Variants in CCDC124 observed in about 807,000 individuals in gnomAD.
CCDC124 encodes coiled-coil domain-containing protein 124.
CCDC124 carries 9 observed loss-of-function variants against 19.8 expected under a neutral mutation model. The observed-to-expected ratio is 0.45, with a 90% CI of 0.27 to 0.79. The LOEUF is 0.79. CCDC124 is among the 30% of genes least tolerant of loss of function. CCDC124 has a pLI of 0.14. For synonymous variants in CCDC124, 126 were observed against 131.3 expected (o/e 0.96, Z 0.27); for missense variants, 285 against 319.0 (o/e 0.89, Z 0.81).
At position 17,942,383 on chromosome 19, in the gene CCDC124, C is replaced by T. The variant is rs979106694; in HGVS notation, c.160-273C>T. Among the ~76,000 whole-genome samples, 2 of 152,176 alleles carry T rather than the reference C, an allele frequency of 1.3e-5. No individual in the cohort carries two copies. The highest frequency in any genetic ancestry group is 2.4e-5 in the African/African-American group (1 of 41,428). ...TGGTAGCCCTGCTGCTAAGGACGCT[C>T]CTGTTCCCCAGCTCTCCCCCTTGGC... On this transcript the variant is annotated intron_variant, in intron 2 of 4. Coordinates refer to ENST00000445755, the MANE Select transcript of CCDC124 (RefSeq NM_001136203.2). The surrounding 1 kb of genome is among the most constrained non-coding windows in gnomAD (Gnocchi z 4.2).
chr19:17,936,737 T>A, intron 2 of CCDC124, 158 bp downstream of exon 2: 1 of 876,306 alleles, frequency 1.1e-6, no homozygotes, highest in Non-Finnish European at 1.7e-6. Flanking sequence ...TCCCAGTACT[T>A]TGGGAGGCCG....
chr19:17,939,402 TAATAA>T (rs921139598), intron 2 of CCDC124, among the ~76,000 whole-genome samples: 4 of 151,684 alleles, frequency 2.6e-5, no homozygotes, highest in Non-Finnish European at 5.9e-5. Flanking sequence ...CTCAAAAAAA[TAATAA>T]AATAAAACAA....
intron 2 of CCDC124, among the ~76,000 whole-genome samples, chr19:17,941,049 AAAAAC>A (rs1439932726): frequency 2.0e-5 from 3 of 151,982 alleles, no homozygotes; most frequent in African/African-American, 7.2e-5. Flanking sequence ...TCCGTCTCGA[AAAAAC>A]AAACGAACGA....
In CCDC124 at chr19:17,934,061, C is replaced by A. The variant is rs978523600; in HGVS notation, c.-12+1013C>A. On this transcript the variant is annotated intron_variant, in intron 1 of 4. Coordinates refer to ENST00000445755, the MANE Select transcript of CCDC124 (RefSeq NM_001136203.2). ...AGAAATTGCCAGGCACTGTGGCTCA[C>A]ACCTGTAATCCAGGCACTTTGAGAG... Among the ~76,000 whole-genome samples, 5 of 149,050 alleles carry A rather than the reference C, an allele frequency of 3.4e-5. 1 individual carries two copies. The highest frequency in any genetic ancestry group is 1.3e-4 in the African/African-American group (5 of 38,446).
Position 17,942,551 on chromosome 19 carries a change from C to A in CCDC124, c.160-105C>A. On this transcript the variant is annotated intron_variant, in intron 2 of 4. Transcript: ENST00000445755. The surrounding 1 kb of genome is among the most constrained non-coding windows in gnomAD (Gnocchi z 4.2). ...CCTGGTATGTCCCCTGCACCCAGCA[C>A]AGAGCCTAAATCCTCGTTGGCTGAG... 1 of 1,309,334 alleles carries A rather than the reference C, an allele frequency of 7.6e-7. No homozygotes were observed. The highest frequency in any genetic ancestry group is 1.1e-6 in the Non-Finnish European group (1 of 948,022). The allele number at this position is 1,309,334 out of a possible 1,614,324, so 81.1% of individuals were successfully genotyped here.
Position 17,943,258 on chromosome 19 carries a change from C to CCCCCCA in CCDC124, c.350-3_350-2insCCCCCA. On this transcript the variant is annotated splice_polypyrimidine_tract_variant and splice_region_variant and intron_variant, in intron 3 of 4. Coordinates refer to ENST00000445755, the MANE Select transcript of CCDC124 (RefSeq NM_001136203.2). ...TGTCTCTGTCACCCACCCACCCGCC[C>CCCCCCA]AGCCGAGAAAGCCAAGAGCCATCTG... The CCCCCCA allele has an allele frequency of 6.6e-7, 1 of 1,515,988 alleles. No individual in the cohort carries two copies. 93.9% of individuals were successfully genotyped at this position (1,515,988 alleles called of 1,614,324 possible).
chr19:17,934,255 A>G (rs548963840), intron 1 of CCDC124, among the ~76,000 whole-genome samples: 2 of 150,802 alleles, frequency 1.3e-5, no homozygotes, highest in Non-Finnish European at 2.9e-5. Flanking sequence ...GCGTGGTGGC[A>G]GGTGCCTGTA....
intron 2 of CCDC124, 69 bp downstream of exon 2, chr19:17,936,648 T>C: frequency 6.5e-7 from 1 of 1,537,482 alleles, no homozygotes; most frequent in Non-Finnish European, 8.8e-7. Flanking sequence ...TATGTCAATG[T>C]GGGTGAATAG....
At chr19:17,941,863 G>A (rs755360665) in intron 2 of CCDC124, among the ~76,000 whole-genome samples, 6 of 152,168 alleles carry the variant, frequency 3.9e-5, no homozygotes, top group Non-Finnish European at 8.8e-5. Flanking sequence ...AGAGTCAGAT[G>A]GTGGAGTCTC....
chr19:17,934,710 G>A (rs2031022540), intron 1 of CCDC124, among the ~76,000 whole-genome samples: 1 of 149,676 alleles, frequency 6.7e-6, no homozygotes, highest in Non-Finnish European at 1.5e-5. Flanking sequence ...TTGAGCCCAG[G>A]AGGTCAAGGC....
intron 2 of CCDC124, among the ~76,000 whole-genome samples, chr19:17,938,544 G>T (rs978504765): frequency 8.5e-5 from 13 of 152,094 alleles, no homozygotes; most frequent in African/African-American, 3.1e-4. Flanking sequence ...CTGACAACAT[G>T]CCCAGTTCTT....
Position 17,943,361 on chromosome 19 carries a change from C to T in CCDC124, c.450C>T (p.Ala150=). Residue 150 remains alanine, a synonymous_variant, in exon 4 of 5, where the codon GCC becomes GCT. Transcript: ENST00000445755. ...GSVEARTIED[A]IAVLSVAEEA... is the part of the protein sequence containing the mutation. ...TGGAGGCGCGCACCATCGAGGACGCCATTGCAGTGCTCAGGTAACGGGGCG... is the reference window on the plus strand; with the variant it reads ...TGGAGGCGCGCACCATCGAGGACGCTATTGCAGTGCTCAGGTAACGGGGCG... 1 of 1,583,948 alleles carries T rather than the reference C, an allele frequency of 6.3e-7. No homozygotes were observed. Among genetic ancestry groups the T allele is most frequent in the Non-Finnish European group, 8.6e-7 (1 of 1,169,268 alleles).
At chr19:17,937,245 C>T (rs954933658) in intron 2 of CCDC124, among the ~76,000 whole-genome samples, 2 of 150,794 alleles carry the variant, frequency 1.3e-5, no homozygotes, top group Non-Finnish European at 2.9e-5. Flanking sequence ...TGTGCCGTTG[C>T]ACTCCAACCT....
Position 17,940,567 on chromosome 19 carries a change from C to A in CCDC124, c.160-2089C>A, listed in dbSNP as rs142360624. Among the ~76,000 whole-genome samples the A allele has an allele frequency of 8.8e-3, 1,338 of 151,886 alleles. 19 individuals carry two copies. Among genetic ancestry groups the A allele is most frequent in the African/African-American group, 0.031 (1,279 of 41,420 alleles). Reference sequence around the variant, plus strand: ...GGATTACAAGGTCAGGCGTTCGAGACCAGCCTGGCCAACATAGTGAAACCC... The same window carrying A: ...GGATTACAAGGTCAGGCGTTCGAGAACAGCCTGGCCAACATAGTGAAACCC... On this transcript the variant is annotated intron_variant, in intron 2 of 4. Coordinates refer to ENST00000445755, the MANE Select transcript of CCDC124 (RefSeq NM_001136203.2).
At chr19:17,940,487 C>T (rs1007385758) in intron 2 of CCDC124, among the ~76,000 whole-genome samples, 16 of 152,132 alleles carry the variant, frequency 1.1e-4, no homozygotes, top group Non-Finnish European at 1.6e-4. Flanking sequence ...ACCAAAGGGG[C>T]CGGGCATGGT....
intron 1 of CCDC124, among the ~76,000 whole-genome samples, chr19:17,933,489 C>T (rs531575009): frequency 8.5e-5 from 13 of 152,264 alleles, no homozygotes; most frequent in African/African-American, 2.6e-4. Context: ...CTAAGTGTGC[C>T]CCTCGCCCAG....
At chr19:17,941,096 C>CAGTTGGCT (rs1279909377) in intron 2 of CCDC124, among the ~76,000 whole-genome samples, 3 of 151,304 alleles carry the variant, frequency 2.0e-5, no homozygotes, top group Non-Finnish European at 4.4e-5. Context: ...CCAAAGAAGG[C>CAGTTGGCT]AGTTGGCTAG....
chr19:17,942,997 C>A lies in CCDC124; in HGVS notation c.349+152C>A. 1 of 977,458 alleles carries A rather than the reference C, an allele frequency of 1.0e-6. No homozygotes were observed. Among genetic ancestry groups the A allele is most frequent in the Non-Finnish European group, 1.5e-6 (1 of 678,396 alleles). 60.5% of individuals were successfully genotyped at this position (977,458 alleles called of 1,614,324 possible). A position where few individuals can be genotyped will look rare whatever the true frequency, so the allele number is the denominator to read the frequency against. ...GTAGGCCGCCTCCTGGTAGGCCTGGCCGTGAGCAGACAACCTCAGGGCTTG... is the reference window on the plus strand; with the variant it reads ...GTAGGCCGCCTCCTGGTAGGCCTGGACGTGAGCAGACAACCTCAGGGCTTG... On this transcript the variant is annotated intron_variant, in intron 3 of 4. Coordinates refer to ENST00000445755, the MANE Select transcript of CCDC124 (RefSeq NM_001136203.2). This position sits in a 1 kb window ranked among gnomAD's most constrained non-coding sequence, Gnocchi z 4.2.
In CCDC124 at chr19:17,943,660, GCT is replaced by G. The variant is rs1568439940; in HGVS notation, c.621_622del (p.Pro208Ter). ...CAGCTGCTCAAGAAGGAGTGGCTCC[GCT>G]CTCCTGACAACCCCATGAACCAGCG... On this transcript the variant is annotated frameshift_variant, in exon 5 of 5. Transcript: ENST00000445755. LOFTEE classifies it high-confidence loss of function. 6.2e-7 allele frequency: 1 copy of G among 1,612,898 alleles called. No individual in the cohort carries two copies. Among genetic ancestry groups the G allele is most frequent in the East Asian group, 2.2e-5 (1 of 44,870 alleles).
Sources: gnomAD v4.1 joint callset for allele counts (sites outside exome capture counted in the v4.1 genomes callset) on GRCh38, gnomAD v4.1.1 for gene constraint, Gnocchi (gnomAD v3.1) non-coding constraint, MANE v1.5 for transcripts, NCBI Gene and HGNC (gene_info 2026-07-23, HGNC 2026-07-21) for gene names.